Variants in ZBTB46 observed in about 807,000 individuals in gnomAD.
The protein encoded by ZBTB46 is zinc finger and BTB domain containing 46.
Under a neutral mutation model 44.1 loss-of-function variants are expected in ZBTB46, and 8 were observed. The observed-to-expected ratio is 0.18, with a 90% CI of 0.11 to 0.33. ZBTB46 has a LOEUF of 0.33. Among genes scored for constraint, ZBTB46 ranks in the 10% least tolerant of loss-of-function variants. The probability of loss-of-function intolerance (pLI) is 1.00; values close to 1 mark genes in which losing one functional copy is unlikely to be tolerated. For synonymous variants in ZBTB46, 409 were observed against 382.3 expected (o/e 1.07, Z -0.81); for missense variants, 651 against 847.7 (o/e 0.77, Z 2.88).
intron 1 of ZBTB46, among the ~76,000 whole-genome samples, chr20:63,791,556 G>A (rs1047878385): frequency 2.1e-5 from 3 of 143,354 alleles, no homozygotes; most frequent in Non-Finnish European, 4.6e-5. Context: ...AGGAATTAAA[G>A]CATTCATAGC....
At chr20:63,782,096 A>AAAAAAGAAAAAG (rs1386082316) in intron 2 of ZBTB46, among the ~76,000 whole-genome samples, 9 of 124,976 alleles carry the variant, frequency 7.2e-5, no homozygotes, top group South Asian at 5.4e-4. Flanking sequence ...CAAAAAAAAA[A>AAAAAAGAAAAAG]AAAAGAAAAG....
chr20:63,817,060 G>A (rs959518151), intron 1 of ZBTB46, among the ~76,000 whole-genome samples: 1 of 151,748 alleles, frequency 6.6e-6, no homozygotes, highest in Non-Finnish European at 1.5e-5. Flanking sequence ...AGCCAAGATC[G>A]CGCCACTGCA....
intron 1 of ZBTB46, among the ~76,000 whole-genome samples, chr20:63,813,282 C>T (rs1254585703): frequency 1.3e-5 from 2 of 151,560 alleles, no homozygotes; most frequent in African/African-American, 4.9e-5. Context: ...AACCTCGTCT[C>T]TACTAAAAAT....
At chr20:63,799,618 G>A (rs1194102558) in intron 1 of ZBTB46, among the ~76,000 whole-genome samples, 4 of 152,200 alleles carry the variant, frequency 2.6e-5, no homozygotes, top group Non-Finnish European at 4.4e-5. Flanking sequence ...AAAGTGCTGG[G>A]ATTACAGGCA....
At chr20:63,774,251 T>G (rs144284484) in intron 3 of ZBTB46, among the ~76,000 whole-genome samples, 1 of 152,262 alleles carries the variant, frequency 6.6e-6, no homozygotes, top group Non-Finnish European at 1.5e-5. Flanking sequence ...ACTTTCCACA[T>G]GTAGTCTTTA....
chr20:63,791,867 G>T (rs942212478), intron 1 of ZBTB46, among the ~76,000 whole-genome samples: 1 of 152,180 alleles, frequency 6.6e-6, no homozygotes, highest in Admixed American at 6.5e-5. Flanking sequence ...TGAGTCCTCC[G>T]CCTGTTCTCG....
intron 1 of ZBTB46, among the ~76,000 whole-genome samples, chr20:63,796,567 T>C (rs925831003): frequency 6.6e-6 from 1 of 152,254 alleles, no homozygotes; most frequent in Non-Finnish European, 1.5e-5. Context: ...GGCGCACGCC[T>C]GTCATCCCAG....
At chr20:63,800,704 G>T (rs1292903936) in intron 1 of ZBTB46, among the ~76,000 whole-genome samples, 4 of 152,244 alleles carry the variant, frequency 2.6e-5, no homozygotes, top group African/African-American at 9.6e-5. Context: ...CAGCTGCGGA[G>T]GGTGTCCGCC....
intron 1 of ZBTB46, among the ~76,000 whole-genome samples, chr20:63,801,263 C>T (rs1021523681): frequency 1.3e-5 from 2 of 152,180 alleles, no homozygotes; most frequent in African/African-American, 4.8e-5. Context: ...CCAATCAGCG[C>T]CCTGTATCCA....
chr20:63,775,759 G>A lies in ZBTB46; in HGVS notation c.1141C>T (p.Leu381=), dbSNP rs1487108153. The change falls in exon 3 of 5, where the codon CTG becomes TTG. Residue 381 remains leucine, a synonymous_variant. Transcript: ENST00000245663. The part of the protein sequence containing the change: ...RAALMSKNSL[L]SLKADVLGDD... ...CCCAGCACGTCGGCCTTCAGCGACA[G>A]CAGGCTGTTCTTACTCATGAGCGCC... 1 of 1,613,062 alleles carries A rather than the reference G, an allele frequency of 6.2e-7. No homozygotes were observed. Among genetic ancestry groups the A allele is most frequent in the African/African-American group, 1.3e-5 (1 of 75,064 alleles).
At chr20:63,780,729 G>T (rs920703209) in intron 2 of ZBTB46, among the ~76,000 whole-genome samples, 17 of 151,684 alleles carry the variant, frequency 1.1e-4, no homozygotes, top group African/African-American at 4.1e-4. Flanking sequence ...GTGAACCCAG[G>T]AGGCAGAGCT....
chr20:63,808,932 G>C (rs2092700012), intron 1 of ZBTB46, among the ~76,000 whole-genome samples: 1 of 144,514 alleles, frequency 6.9e-6, no homozygotes, highest in Admixed American at 7.2e-5. Flanking sequence ...AGCCGAGATG[G>C]CGCCACTGCA....
At chr20:63,784,677 A>G (rs1464778348) in intron 2 of ZBTB46, among the ~76,000 whole-genome samples, 1 of 152,236 alleles carries the variant, frequency 6.6e-6, no homozygotes, top group Non-Finnish European at 1.5e-5. Context: ...CCTGCCCCAT[A>G]GCTGCAAACA....
In ZBTB46 at chr20:63,801,493, G is replaced by GC. The variant is rs371225208; in HGVS notation, c.-33-10704dup. Among the ~76,000 whole-genome samples, 537 of 152,342 alleles carry GC rather than the reference G, an allele frequency of 3.5e-3. 5 individuals are homozygous for GC. The highest frequency in any genetic ancestry group is 0.012 in the African/African-American group (506 of 41,578). ...CCAGGTAAGGGAATAAGAGCAGGCT[G>GC]CCCCAACCAGCAGTGGCAACTTGCT... On this transcript the variant is annotated intron_variant, in intron 1 of 4. Coordinates refer to ENST00000245663, the MANE Select transcript of ZBTB46 (RefSeq NM_001369741.1).
At chr20:63,766,739 C>A (rs995945630) in intron 3 of ZBTB46, among the ~76,000 whole-genome samples, 1 of 152,184 alleles carries the variant, frequency 6.6e-6, no homozygotes, top group Non-Finnish European at 1.5e-5. Flanking sequence ...TCTTCAGAAA[C>A]TCATCTCAGG....
In ZBTB46 at chr20:63,769,103, A is replaced by G. The variant is rs74728805; in HGVS notation, c.1222+6575T>C. 6.4e-3 allele frequency: 4,714 copies of G among 733,206 alleles called. 19 individuals are homozygous for G. Among genetic ancestry groups the G allele is most frequent in the Non-Finnish European group, 7.2e-3 (4,331 of 599,554 alleles). 45.4% of individuals were successfully genotyped at this position (733,206 alleles called of 1,614,324 possible). A position where few individuals can be genotyped will look rare whatever the true frequency, so the allele number is the denominator to read the frequency against. On this transcript the variant is annotated intron_variant, in intron 3 of 4. Transcript: ENST00000245663. ...AGTTGAGGGTGGGAGAGGAGGGCAC[A>G]TGGAGAGCAGGTGCCACCAAAGTGC...
At chr20:63,796,685 C>T (rs151096778) in intron 1 of ZBTB46, among the ~76,000 whole-genome samples, 1,611 of 151,750 alleles carry the variant, frequency 0.011, 23 homozygotes, top group African/African-American at 0.037. Flanking sequence ...ATTAGCAGGA[C>T]GTGATGGCAG....
intron 2 of ZBTB46, among the ~76,000 whole-genome samples, chr20:63,777,768 AAACAT>A (rs1485653896): frequency 1.3e-5 from 2 of 152,234 alleles, no homozygotes; most frequent in African/African-American, 4.8e-5. Context: ...ACGAATGGAT[AAACAT>A]AACAGGTCCA....
intron 1 of ZBTB46, among the ~76,000 whole-genome samples, chr20:63,815,659 AGT>A (rs2092747564): frequency 7.0e-6 from 1 of 141,920 alleles, no homozygotes; most frequent in Non-Finnish European, 1.5e-5. Context: ...GCATAGGTGC[AGT>A]GAGTGCAGGT....
Sources: gnomAD v4.1 joint callset for allele counts (sites outside exome capture counted in the v4.1 genomes callset) on GRCh38, gnomAD v4.1.1 for gene constraint, MANE v1.5 for transcripts, NCBI Gene and HGNC (gene_info 2026-07-23, HGNC 2026-07-21) for gene names.